The following DPP6 variants were observed in gnomAD, a reference collection of about 807,000 sequenced individuals.
DPP6 encodes the protein dipeptidyl peptidase like 6, also known as A-type potassium channel modulatory protein DPP6.
DPP6 carries 69 observed loss-of-function variants against 122.6 expected under a neutral mutation model. The ratio of observed to expected loss-of-function variants is 0.56; its 90% CI spans 0.46 to 0.69. The LOEUF (loss-of-function observed/expected upper bound fraction) is 0.69. Ranked by LOEUF, DPP6 falls within the 30% of genes least tolerant of loss-of-function variation. The pLI is 0.00. For missense variants in DPP6, 928 were observed against 1,116.9 expected (o/e 0.83, Z 2.41); for synonymous variants, 418 against 433.1 (o/e 0.97, Z 0.43).
At chr7:153,946,880 A>G (rs1373332791) in intron 1 of DPP6, among the ~76,000 whole-genome samples, 1 of 152,140 alleles carries the variant, frequency 6.6e-6, no homozygotes, top group Non-Finnish European at 1.5e-5. Context: ...AAGTGTGAAG[A>G]CAGAGCTGAC....
At chr7:154,317,000 A>G (rs1295892421) in intron 1 of DPP6, among the ~76,000 whole-genome samples, 7 of 152,170 alleles carry the variant, frequency 4.6e-5, no homozygotes, top group African/African-American at 1.7e-4. Flanking sequence ...TGTTACCAGT[A>G]TGGTAATTAC....
intron 13 of DPP6, among the ~76,000 whole-genome samples, chr7:154,802,885 G>A (rs866110425): frequency 6.6e-6 from 1 of 151,808 alleles, no homozygotes; most frequent in Non-Finnish European, 1.5e-5. Flanking sequence ...TTTTCATTTG[G>A]CTCCCAGTCT....
intron 1 of DPP6, among the ~76,000 whole-genome samples, chr7:154,266,686 A>G (rs1019374237): frequency 3.3e-5 from 5 of 152,228 alleles, no homozygotes; most frequent in Non-Finnish European, 7.3e-5. Flanking sequence ...TTTATCACAT[A>G]AGTTCATATA....
chr7:153,937,386 C>A (rs1009617091), intron 1 of DPP6, among the ~76,000 whole-genome samples: 1 of 150,760 alleles, frequency 6.6e-6, no homozygotes. Flanking sequence ...AGAAAGAACA[C>A]CTCCTTTCTT....
intron 1 of DPP6, among the ~76,000 whole-genome samples, chr7:153,945,575 G>C (rs968838739): frequency 3.9e-5 from 6 of 152,180 alleles, no homozygotes; most frequent in African/African-American, 1.4e-4. Context: ...AGAGGCACAG[G>C]GTTGGCGGTG....
chr7:153,977,232 C>T (rs1796356548), intron 1 of DPP6, among the ~76,000 whole-genome samples: 1 of 146,720 alleles, frequency 6.8e-6, no homozygotes, highest in African/African-American at 2.5e-5. Context: ...TTGACCTTTG[C>T]TTTGATCAGC....
the DPP6 span, among the ~76,000 whole-genome samples, chr7:153,862,267 C>T: frequency 7.9e-5 from 12 of 152,186 alleles, no homozygotes; most frequent in African/African-American, 2.9e-4. Context: ...AGCCTCTGTT[C>T]CCGTTAATAC....
chr7:153,920,470 G>C (rs916386196), intron 1 of DPP6, among the ~76,000 whole-genome samples: 1 of 151,936 alleles, frequency 6.6e-6, no homozygotes, highest in Non-Finnish European at 1.5e-5. Flanking sequence ...GGTTGCTGGA[G>C]GTACTGTTCC....
intron 10 of DPP6, among the ~76,000 whole-genome samples, chr7:154,778,840 C>A (rs1006423122): frequency 6.6e-6 from 1 of 150,838 alleles, no homozygotes; most frequent in African/African-American, 2.5e-5. Context: ...ACCTGTACAA[C>A]CTCCACCACC....
intron 1 of DPP6, among the ~76,000 whole-genome samples, chr7:154,227,428 A>G (rs1800677953): frequency 6.6e-6 from 1 of 152,098 alleles, no homozygotes; most frequent in African/African-American, 2.4e-5. Flanking sequence ...GTTGCTCTTC[A>G]GTGGGCTGTG....
chr7:154,340,020 C>T (rs953516485), intron 1 of DPP6, among the ~76,000 whole-genome samples: 1 of 152,030 alleles, frequency 6.6e-6, no homozygotes, highest in African/African-American at 2.4e-5. Flanking sequence ...TTGCAGTGAG[C>T]CAAGATTGCG....
intron 3 of DPP6, among the ~76,000 whole-genome samples, chr7:154,528,395 AAG>A (rs1827580078): frequency 1.3e-5 from 2 of 152,204 alleles, no homozygotes; most frequent in African/African-American, 4.8e-5. Flanking sequence ...TTTGACAAAA[AAG>A]AAACACCATG....
At chr7:154,305,517 G>C in intron 1 of DPP6, 3 of 1,604,664 alleles carry the variant, frequency 1.9e-6, no homozygotes, top group Non-Finnish European at 2.6e-6. Flanking sequence ...AAGGAGCCAA[G>C]CGCTTCGGGG....
intron 10 of DPP6, among the ~76,000 whole-genome samples, chr7:154,775,214 T>G (rs1796488116): frequency 6.6e-6 from 1 of 152,186 alleles, no homozygotes; most frequent in South Asian, 2.1e-4. Flanking sequence ...GTCAAGTTAC[T>G]CAGCCTCCCT....
rs11977175 is a variant in DPP6, at chr7:154,744,102, G to A, written c.883+16215G>A. Among the ~76,000 whole-genome samples, 1,103 of 152,180 alleles carry A rather than the reference G, an allele frequency of 7.2e-3. 14 individuals carry two copies. The highest frequency in any genetic ancestry group is 0.025 in the African/African-American group (1,040 of 41,512). On this transcript the variant is annotated intron_variant, in intron 8 of 25. Transcript: ENST00000377770. ...CACACATCCTGGATCCTCCCGGTGCGTCCTGTGTAATGGGTTAACTGGACC... is the reference window on the plus strand; with the variant it reads ...CACACATCCTGGATCCTCCCGGTGCATCCTGTGTAATGGGTTAACTGGACC...
At chr7:154,058,767 T>A (rs1248030514) in intron 1 of DPP6, 1 of 149,814 alleles carries the variant, frequency 6.7e-6, no homozygotes, top group African/African-American at 2.5e-5. Context: ...CCCCCGGCTC[T>A]GAGGAACCCC....
chr7:154,883,889 T>C (rs1805762277), intron 21 of DPP6: 1 of 104,760 alleles, frequency 9.5e-6, no homozygotes, highest in Non-Finnish European at 1.9e-5. Flanking sequence ...ACATACATGC[T>C]CACACACATT....
chr7:153,852,774 G>T, the DPP6 span, among the ~76,000 whole-genome samples: 2 of 152,142 alleles, frequency 1.3e-5, no homozygotes, highest in African/African-American at 4.8e-5. Flanking sequence ...ATCCTCTTGT[G>T]AAATGAACTC....
intron 1 of DPP6, among the ~76,000 whole-genome samples, chr7:154,062,357 A>C (rs1802108978): frequency 4.5e-5 from 1 of 22,248 alleles, no homozygotes. Context: ...GTGGGGACTG[A>C]GAGCTATCCC....
Sources: gnomAD v4.1 joint callset for allele counts (sites outside exome capture counted in the v4.1 genomes callset) on GRCh38, gnomAD v4.1.1 for gene constraint, MANE v1.5 for transcripts, NCBI Gene and HGNC (gene_info 2026-07-23, HGNC 2026-07-21) for gene names.